The following ZDHHC20 variants were observed in gnomAD, a reference collection of about 807,000 sequenced individuals.
ZDHHC20 encodes the protein zDHHC palmitoyltransferase 20, also known as palmitoyltransferase ZDHHC20.
Under a neutral mutation model 57.8 loss-of-function variants are expected in ZDHHC20, and 43 were observed. The ratio of observed to expected loss-of-function variants is 0.74; its 90% CI spans 0.58 to 0.96. The LOEUF is 0.96. Among genes scored for constraint, ZDHHC20 ranks in the 40% least tolerant of loss-of-function variants. The pLI, the probability that ZDHHC20 is intolerant of heterozygous loss-of-function variation, is 0.00. For synonymous variants in ZDHHC20, 157 were observed against 153.0 expected, an observed-to-expected ratio of 1.03 and a Z score of -0.19; for missense variants, 391 against 441.1, an observed-to-expected ratio of 0.89 and a Z score of 1.02.
At chr13:21,433,697 C>G (rs904364256) in intron 1 of ZDHHC20, among the ~76,000 whole-genome samples, 10 of 152,182 alleles carry the variant, frequency 6.6e-5, no homozygotes, top group Admixed American at 3.3e-4. Context: ...AGATCCAGTG[C>G]TGGCTGATGC....
chr13:21,413,418 C>T (rs909433510), intron 4 of ZDHHC20, among the ~76,000 whole-genome samples: 1 of 152,048 alleles, frequency 6.6e-6, no homozygotes, highest in Non-Finnish European at 1.5e-5. Flanking sequence ...AAAACAAGTA[C>T]AGAAGAGATT....
chr13:21,405,058 A>G (rs1209421352), intron 4 of ZDHHC20, among the ~76,000 whole-genome samples: 1 of 152,182 alleles, frequency 6.6e-6, no homozygotes, highest in African/African-American at 2.4e-5. Context: ...AGGATACACA[A>G]GAAAAGGTGG....
intron 9 of ZDHHC20, among the ~76,000 whole-genome samples, chr13:21,384,110 G>C (rs1873989421): frequency 6.6e-6 from 1 of 151,698 alleles, no homozygotes; most frequent in African/African-American, 2.4e-5. Context: ...GAACAAGGTA[G>C]TTTCACTGAA....
chr13:21,434,069 G>A (rs1882286402), intron 1 of ZDHHC20, among the ~76,000 whole-genome samples: 1 of 151,590 alleles, frequency 6.6e-6, no homozygotes, highest in African/African-American at 2.4e-5. Flanking sequence ...AATCAACAGG[G>A]TTTGTTTTCC....
chr13:21,425,275 A>G (rs1881121412), intron 2 of ZDHHC20, among the ~76,000 whole-genome samples: 1 of 152,182 alleles, frequency 6.6e-6, no homozygotes, highest in Non-Finnish European at 1.5e-5. Flanking sequence ...AGAACCATCA[A>G]TAAAATTTAG....
In ZDHHC20 at chr13:21,459,186, T is replaced by C; in HGVS notation, c.-15A>G. ...CAGGGCGCCATGTTCCGCTGGCGGC[T>C]GCCGAGCCCCGCGTCCCACCGTTCT... On this transcript the variant is annotated 5_prime_UTR_variant, in exon 1 of 13. Transcript: ENST00000400590. 1 of 1,589,374 alleles carries C rather than the reference T, an allele frequency of 6.3e-7. No individual in the cohort carries two copies. Among genetic ancestry groups the C allele is most frequent in the South Asian group, 1.1e-5 (1 of 88,036 alleles).
intron 3 of ZDHHC20, 107 bp downstream of exon 3, chr13:21,420,954 G>T (rs1880575375): frequency 2.4e-6 from 2 of 839,944 alleles, no homozygotes; most frequent in Non-Finnish European, 3.8e-6. Flanking sequence ...TTTTATGAAT[G>T]GAAACAGAAC....
At chr13:21,448,519 A>G (rs9578382) in intron 1 of ZDHHC20, among the ~76,000 whole-genome samples, 4,932 of 53,690 alleles carry the variant, frequency 0.092, 417 homozygotes, top group Non-Finnish European at 0.15. Flanking sequence ...GGTGAGGGGC[A>G]CCTCTGCCCG....
In ZDHHC20 at chr13:21,374,202, A is replaced by C; in HGVS notation, c.*2494T>G. 5.4e-6 allele frequency: 1 copy of C among 186,244 alleles called. No individual in the cohort carries two copies. The highest frequency in any genetic ancestry group is 1.0e-4 in the South Asian group (1 of 9,734). 11.5% of individuals were successfully genotyped at this position (186,244 alleles called of 1,614,324 possible). ...TATAATATGCAAACTGCCAAACTGG[A>C]GTTATGTTTTTAGTTGGTAATTGAT... On this transcript the variant is annotated 3_prime_UTR_variant, in exon 13 of 13. Transcript: ENST00000400590.
At chr13:21,414,576 T>C (rs1284228026) in intron 3 of ZDHHC20, among the ~76,000 whole-genome samples, 1 of 142,416 alleles carries the variant, frequency 7.0e-6, no homozygotes, top group Admixed American at 7.6e-5. Flanking sequence ...TTTCACCGTG[T>C]TAGCCAGGAT....
At chr13:21,401,146 G>A (rs989604609) in intron 6 of ZDHHC20, among the ~76,000 whole-genome samples, 5 of 151,918 alleles carry the variant, frequency 3.3e-5, no homozygotes, top group African/African-American at 1.2e-4. Flanking sequence ...AGGCGTGGTG[G>A]TGCATGCCTG....
chr13:21,425,566 A>T, intron 2 of ZDHHC20, 86 bp downstream of exon 2: 1 of 972,170 alleles, frequency 1.0e-6, no homozygotes, highest in East Asian at 4.3e-5. Flanking sequence ...AAACAAAAAC[A>T]CATGCATTCA....
At chr13:21,456,578 T>G (rs1200568445) in intron 1 of ZDHHC20, among the ~76,000 whole-genome samples, 1 of 152,202 alleles carries the variant, frequency 6.6e-6, no homozygotes. Context: ...ACAAGTAGTT[T>G]AAAGGATAGT....
rs551375599 is a variant in ZDHHC20 at position 21,400,331 on chromosome 13, A to G, written c.594+42T>C. 66 of 1,505,838 alleles carry G rather than the reference A, an allele frequency of 4.4e-5. No homozygotes were observed. The South Asian group carries it at 6.6e-4, about 15-fold the overall frequency. The allele number at this position is 1,505,838 out of a possible 1,614,324, so 93.3% of individuals were successfully genotyped here. A position where few individuals can be genotyped will look rare whatever the true frequency, so the allele number is the denominator to read the frequency against. On this transcript the variant is annotated intron_variant, in intron 7 of 12. Transcript: ENST00000400590. ...TAATTTATTAGGAAGATAGCATCTT[A>G]AAGTCTTAAATACATGTTTCAAGAT... is the stretch of plus-strand genomic sequence containing the variant.
intron 1 of ZDHHC20, among the ~76,000 whole-genome samples, chr13:21,434,114 CTGTGTGTGTGCG>C (rs1481812461): frequency 1.3e-5 from 2 of 151,642 alleles, no homozygotes; most frequent in African/African-American, 4.8e-5. Flanking sequence ...GTCTGTGTGT[CTGTGTGTGTGCG>C]TGCACACCAT....
At chr13:21,457,700 G>C (rs1052348266) in intron 1 of ZDHHC20, among the ~76,000 whole-genome samples, 2 of 152,142 alleles carry the variant, frequency 1.3e-5, no homozygotes, top group African/African-American at 4.8e-5. Context: ...TAAATTTTCT[G>C]AGCCAAAGCA....
intron 4 of ZDHHC20, among the ~76,000 whole-genome samples, chr13:21,405,219 C>T (rs2137816104): frequency 6.6e-6 from 1 of 152,040 alleles, no homozygotes; most frequent in African/African-American, 2.4e-5. Flanking sequence ...ACACAAATAT[C>T]TACTTATTAA....
Position 21,374,513 on chromosome 13 carries a change from G to A in ZDHHC20, c.*2183C>T, listed in dbSNP as rs1194959679. ...GCCTCCCAAAGTGCTGGGATTACAG[G>A]CATGAGCCACCACACCCAGCAATAA... On this transcript the variant is annotated 3_prime_UTR_variant, in exon 13 of 13. Coordinates refer to ENST00000400590, the MANE Select transcript of ZDHHC20 (RefSeq NM_001330059.2). The A allele has an allele frequency of 1.4e-5, 6 of 441,856 alleles. No individual in the cohort carries two copies. The highest frequency in any genetic ancestry group is 9.5e-5 in the South Asian group (6 of 63,236). The allele number at this position is 441,856 out of a possible 1,614,324, so 27.4% of individuals were successfully genotyped here.
chr13:21,427,725 C>G (rs1044387302), intron 1 of ZDHHC20, among the ~76,000 whole-genome samples: 1 of 150,940 alleles, frequency 6.6e-6, no homozygotes, highest in Non-Finnish European at 1.5e-5. Flanking sequence ...GTCCCACATA[C>G]TCGGGAGGCT....
Sources: gnomAD v4.1 joint callset for allele counts (sites outside exome capture counted in the v4.1 genomes callset) on GRCh38, gnomAD v4.1.1 for gene constraint, MANE v1.5 for transcripts, NCBI Gene and HGNC (gene_info 2026-07-23, HGNC 2026-07-21) for gene names.